SLIT2: variants seen among roughly 807,000 people sequenced by gnomAD.
SLIT2 encodes the protein slit homolog 2 protein.
In SLIT2, 41 loss-of-function variants were observed where a neutral mutation model predicts 185.7. The observed-to-expected ratio is 0.22, with a 90% CI of 0.17 to 0.29. SLIT2 has a LOEUF of 0.29. Among genes scored for constraint, SLIT2 ranks in the 10% least tolerant of loss-of-function variants. The pLI is 1.00. For missense variants in SLIT2, 1,571 were observed against 1,909.0 expected, an observed-to-expected ratio of 0.82 and a Z score of 3.30; for synonymous variants, 693 against 680.2, an observed-to-expected ratio of 1.02 and a Z score of -0.29.
intron 26 of SLIT2, among the ~76,000 whole-genome samples, chr4:20,554,946 T>TG (rs1724115015): frequency 6.6e-6 from 1 of 152,064 alleles, no homozygotes; most frequent in Non-Finnish European, 1.5e-5. Context: ...ATTTTTGTAT[T>TG]TTTAGTAGAG....
chr4:20,601,622 T>C (rs1378232340), intron 33 of SLIT2, among the ~76,000 whole-genome samples: 2 of 152,234 alleles, frequency 1.3e-5, no homozygotes, highest in African/African-American at 4.8e-5. Flanking sequence ...TTTGGCCTTT[T>C]TTCAAATGCC....
chr4:20,521,736 A>G (rs1720857487), intron 12 of SLIT2, among the ~76,000 whole-genome samples: 1 of 152,186 alleles, frequency 6.6e-6, no homozygotes, highest in South Asian at 2.1e-4. Context: ...ATGGGGAATC[A>G]AAGAGCACAG....
intron 8 of SLIT2, among the ~76,000 whole-genome samples, chr4:20,490,299 A>G (rs915140521): frequency 6.6e-6 from 1 of 152,154 alleles, no homozygotes; most frequent in African/African-American, 2.4e-5. Flanking sequence ...AAATGCTGTG[A>G]AAAAGAATAT....
intron 5 of SLIT2, among the ~76,000 whole-genome samples, chr4:20,472,814 C>T (rs867802421): frequency 1.0e-4 from 15 of 150,190 alleles, no homozygotes; most frequent in Non-Finnish European, 7.4e-5. Flanking sequence ...ACTTTACTGC[C>T]AAGAATTGTG....
rs138687987 is a variant in SLIT2 at position 20,284,623 on chromosome 4, C to T, written c.395+15742C>T. Reference sequence around the variant, plus strand: ...AGTTTAAAAAGAATAGCCATCAGTACACTTGTTCAGTCAATATATCTAAGC... The same window carrying T: ...AGTTTAAAAAGAATAGCCATCAGTATACTTGTTCAGTCAATATATCTAAGC... On this transcript the variant is annotated intron_variant, in intron 4 of 36. Transcript: ENST00000504154. Among the ~76,000 whole-genome samples the T allele has an allele frequency of 5.5e-3, 843 of 152,332 alleles. 6 individuals carry two copies. The highest frequency in any genetic ancestry group is 0.019 in the African/African-American group (777 of 41,588).
intron 4 of SLIT2, among the ~76,000 whole-genome samples, chr4:20,349,077 A>T (rs545792171): frequency 6.6e-6 from 1 of 152,268 alleles, no homozygotes. Context: ...GAAAGTGAAG[A>T]TGTTGAACTA....
rs1186500723 is a variant in SLIT2 at position 20,596,620 on chromosome 4, G to T, written c.3526G>T (p.Ala1176Ser). Residue 1176 changes from alanine (A) to serine (S), a missense_variant, in exon 32 of 37, where the codon GCC (alanine) becomes TCC (serine). Transcript: ENST00000504154. ...NKESYLQIPS[A>S]KVRPQTNITL... ...AGAGTCTTATCTTCAGATTCCTTCA[G>T]CCAAGGTTCGGCCTCAGACGAACAT... is the stretch of plus-strand genomic sequence containing the variant. The T allele has an allele frequency of 6.2e-7, 1 of 1,613,756 alleles. No homozygotes were observed. Among genetic ancestry groups the T allele is most frequent in the Admixed American group, 1.7e-5 (1 of 60,014 alleles).
intron 4 of SLIT2, among the ~76,000 whole-genome samples, chr4:20,301,419 A>T (rs1349393762): frequency 6.6e-6 from 1 of 152,078 alleles, no homozygotes; most frequent in East Asian, 1.9e-4. Context: ...TTCTTGTTAT[A>T]CCCAATTACC....
chr4:20,594,710 C>A (rs1727836118), intron 30 of SLIT2, among the ~76,000 whole-genome samples: 1 of 152,136 alleles, frequency 6.6e-6, no homozygotes, highest in Admixed American at 6.5e-5. Context: ...TAGAGAAGTA[C>A]AGGTTTAAAG....
At chr4:20,350,987 A>G (rs1043567794) in intron 4 of SLIT2, among the ~76,000 whole-genome samples, 4 of 152,132 alleles carry the variant, frequency 2.6e-5, no homozygotes, top group Non-Finnish European at 5.9e-5. Context: ...TGTTCACAGT[A>G]GATCTGGAAC....
chr4:20,567,609 G>A lies in SLIT2; in HGVS notation c.2942G>A (p.Gly981Glu), dbSNP rs1370849579. ...TCHLKEGEED[G>E]FWCICADGFE... ...CACTTAAAGGAAGGAGAAGAAGATG[G>A]ATTCTGGTAGGTCATTAGTCTATGA... Residue 981 changes from glycine to glutamate, a missense_variant, in exon 28 of 37, where the codon GGA becomes GAA. Physicochemically the swap from Gly to Glu is moderately conservative, Grantham distance 98. Around this residue, in one of 3 missense-constraint regions of SLIT2, gnomAD observed 1,202 missense variants for 1,416.4 expected, o/e 0.85. Transcript: ENST00000504154. 1 of 1,610,112 alleles carries A rather than the reference G, an allele frequency of 6.2e-7. No homozygotes were observed. The highest frequency in any genetic ancestry group is 2.2e-5 in the East Asian group (1 of 44,844).
At chr4:20,438,185 A>G (rs1228997799) in intron 4 of SLIT2, among the ~76,000 whole-genome samples, 1 of 152,160 alleles carries the variant, frequency 6.6e-6, no homozygotes, top group East Asian at 1.9e-4. Context: ...CCTGTTTAAA[A>G]CATAAGTTAG....
intron 4 of SLIT2, among the ~76,000 whole-genome samples, chr4:20,452,346 C>T (rs547921275): frequency 3.9e-5 from 6 of 152,158 alleles, no homozygotes; most frequent in Admixed American, 2.6e-4. Context: ...GTTGGAGAAT[C>T]GATTACTTCT....
intron 4 of SLIT2, among the ~76,000 whole-genome samples, chr4:20,350,803 G>T (rs1426309106): frequency 6.6e-6 from 1 of 151,904 alleles, no homozygotes; most frequent in African/African-American, 2.4e-5. Context: ...ACCAGCTTGG[G>T]CAAGAAGTAA....
At chr4:20,579,151 T>A (rs1022898661) in intron 29 of SLIT2, among the ~76,000 whole-genome samples, 1 of 150,334 alleles carries the variant, frequency 6.7e-6, no homozygotes, top group Non-Finnish European at 1.5e-5. Flanking sequence ...AAAAAAAAAA[T>A]CAGCTGGGCG....
intron 4 of SLIT2, among the ~76,000 whole-genome samples, chr4:20,293,342 A>T (rs1242957682): frequency 2.6e-5 from 4 of 152,222 alleles, no homozygotes; most frequent in Non-Finnish European, 5.9e-5. Flanking sequence ...ATAATACCAT[A>T]GTCCAAAGTC....
chr4:20,489,673 A>G (rs1192449698), intron 8 of SLIT2, among the ~76,000 whole-genome samples: 1 of 152,202 alleles, frequency 6.6e-6, no homozygotes, highest in East Asian at 1.9e-4. Flanking sequence ...AATTCTAGCT[A>G]CTTGGGAGGC....
intron 4 of SLIT2, among the ~76,000 whole-genome samples, chr4:20,340,237 A>G (rs1720853041): frequency 6.6e-6 from 1 of 152,178 alleles, no homozygotes; most frequent in South Asian, 2.1e-4. Flanking sequence ...TCTTTGAGTT[A>G]CTACCCTTTC....
intron 4 of SLIT2, among the ~76,000 whole-genome samples, chr4:20,400,918 A>C: frequency 6.6e-6 from 1 of 151,954 alleles, no homozygotes; most frequent in South Asian, 2.1e-4. Flanking sequence ...TTTTATACAG[A>C]TATAACTGAA....
Sources: allele counts gnomAD v4.1 joint callset (sites outside exome capture counted in the v4.1 genomes callset), GRCh38; gene constraint gnomAD v4.1.1; regional missense constraint gnomAD v4.1.1; transcripts MANE v1.5; gene names NCBI Gene and HGNC (gene_info 2026-07-23, HGNC 2026-07-21).